Variants in LAMC3 observed in about 807,000 individuals in gnomAD.
LAMC3 encodes laminin subunit gamma 3.
A neutral mutation model predicts 173.8 loss-of-function variants in LAMC3; 128 were observed. The ratio of observed to expected loss-of-function variants is 0.74; its 90% confidence interval spans 0.64 to 0.85. The LOEUF (loss-of-function observed/expected upper bound fraction) is 0.85. LAMC3 is among the 40% of genes least tolerant of loss of function. The pLI, the probability that LAMC3 is intolerant of heterozygous loss-of-function variation, is 0.00. For synonymous variants in LAMC3, 897 were observed against 909.1 expected, an observed-to-expected ratio of 0.99 and a Z score of 0.24; for missense variants, 2,022 against 2,156.0, an observed-to-expected ratio of 0.94 and a Z score of 1.23.
chr9:131,079,087 G>A (rs565606945), intron 22 of LAMC3, 62 bp from the exon 23 acceptor site: 1 of 1,586,330 alleles, frequency 6.3e-7, no homozygotes, highest in African/African-American at 1.3e-5. Context: ...CTCCCCCAAG[G>A]AGAGGATCCG....
At chr9:131,024,766 G>A (rs1198755735) in intron 1 of LAMC3, among the ~76,000 whole-genome samples, 2 of 152,170 alleles carry the variant, frequency 1.3e-5, no homozygotes, top group Non-Finnish European at 2.9e-5. Flanking sequence ...CTAGGCACTG[G>A]GATGGCAGAG....
At position 131,029,586 on chromosome 9, in the gene LAMC3, C is replaced by A. The variant is rs577497058; in HGVS notation, c.679-2459C>A. 2.6e-5 allele frequency among the ~76,000 whole-genome samples: 4 copies of A among 152,352 alleles called. No individual in the cohort carries two copies. Among genetic ancestry groups the A allele is most frequent in the African/African-American group, 9.6e-5 (4 of 41,584 alleles). ...AGCAGGACAAAGAGAGGCAAGTCTA[C>A]CTTGCTCTTTTCTCCTCATGCTCCC... On this transcript the variant is annotated intron_variant, in intron 2 of 27. Coordinates refer to ENST00000361069, the MANE Select transcript of LAMC3 (RefSeq NM_006059.4). This position sits in a 1 kb window ranked among gnomAD's most constrained non-coding sequence, Gnocchi z 4.6.
chr9:131,035,282 TCA>T (rs1833921375), intron 3 of LAMC3, among the ~76,000 whole-genome samples: 2 of 152,092 alleles, frequency 1.3e-5, no homozygotes, highest in African/African-American at 2.4e-5. Flanking sequence ...TTTAATTGGC[TCA>T]CAGTTCCACA....
rs572147844 is a variant in LAMC3 at position 131,085,177 on chromosome 9, C to T, written c.4031-347C>T. On this transcript the variant is annotated intron_variant, in intron 24 of 27. Coordinates refer to ENST00000361069, the MANE Select transcript of LAMC3 (RefSeq NM_006059.4). ...ACACTGCCTTAAAGCATTGTTTAGACGTAGGCAGTACATGAAAATGCCGAG... is the reference window on the plus strand; with the variant it reads ...ACACTGCCTTAAAGCATTGTTTAGATGTAGGCAGTACATGAAAATGCCGAG... Among the ~76,000 whole-genome samples the T allele has an allele frequency of 1.4e-4, 21 of 152,228 alleles. 1 individual carries two copies. The South Asian group carries it at 2.7e-3, about 20-fold the overall frequency.
rs1834310206 is a variant in LAMC3, at chr9:131,052,521, A to G, written c.1661A>G (p.Tyr554Cys). The change falls in exon 10 of 28, where the codon TAT (tyrosine) becomes TGT (cysteine). Residue 554 changes from tyrosine (Y) to cysteine (C), a missense_variant. Physicochemically the swap from Tyr to Cys is radical, Grantham distance 194. Coordinates refer to ENST00000361069, the MANE Select transcript of LAMC3 (RefSeq NM_006059.4). ...EKFLGDQRFS[Y>C]GQPLILTFRV... ...TTCCTGGGAGACCAGCGGTTCAGCT[A>G]TGGGCAGCCCCTCATACTGACCTTC... 6.2e-7 allele frequency: 1 copy of G among 1,614,176 alleles called. No individual in the cohort carries two copies. The highest frequency in any genetic ancestry group is 8.5e-7 in the Non-Finnish European group (1 of 1,179,998).
chr9:131,014,549 C>T (rs1833485360), intron 1 of LAMC3, among the ~76,000 whole-genome samples: 1 of 152,252 alleles, frequency 6.6e-6, no homozygotes, highest in Non-Finnish European at 1.5e-5. Context: ...TGTTTACGTC[C>T]ATCCCTATCT....
chr9:131,045,114 C>T (rs374291623), intron 7 of LAMC3, among the ~76,000 whole-genome samples: 61 of 150,532 alleles, frequency 4.1e-4, no homozygotes, highest in Middle Eastern at 3.4e-3. Context: ...CCCAGCTACC[C>T]GGGAGGCTGA....
rs1385550204 is a variant in LAMC3 at position 131,092,750 on chromosome 9, G to C, written c.*963G>C. 6.6e-6 allele frequency: 1 copy of C among 152,334 alleles called. No individual in the cohort carries two copies. Among genetic ancestry groups the C allele is most frequent in the Non-Finnish European group, 1.5e-5 (1 of 68,134 alleles). The allele number at this position is 152,334 out of a possible 1,614,324, so 9.4% of individuals were successfully genotyped here. ...TTGACGCTTTCCAGACCAGCCCTGC[G>C]GCACCACTTGCCATGCGGGAGGCCA... On this transcript the variant is annotated 3_prime_UTR_variant, in exon 28 of 28. Transcript: ENST00000361069.
Position 131,077,208 on chromosome 9 carries a change from C to T in LAMC3, c.3651C>T (p.Ala1217=). Reference sequence around the variant, plus strand: ...CCAGGTACCAGGAGGTCCAGGCGGCCCAGAAAGCACTGAGGACGGCTGTGG... The same window carrying T: ...CCAGGTACCAGGAGGTCCAGGCGGCTCAGAAAGCACTGAGGACGGCTGTGG... ...LEDRYQEVQA[A]QKALRTAVAE... The change falls in exon 22 of 28, where the codon GCC becomes GCT. Residue 1217 remains alanine (A), a synonymous_variant. Coordinates refer to ENST00000361069, the MANE Select transcript of LAMC3 (RefSeq NM_006059.4). The T allele has an allele frequency of 1.2e-6, 2 of 1,613,806 alleles. No individual in the cohort carries two copies. Among genetic ancestry groups the T allele is most frequent in the Non-Finnish European group, 1.7e-6 (2 of 1,180,012 alleles).
chr9:131,075,187 G>A (rs1443353196), intron 20 of LAMC3, among the ~76,000 whole-genome samples: 1 of 152,168 alleles, frequency 6.6e-6, no homozygotes, highest in Non-Finnish European at 1.5e-5. Flanking sequence ...AGGATCCCTT[G>A]AGCCTAGGAG....
chr9:131,041,001 G>A (rs1311857737), intron 6 of LAMC3, among the ~76,000 whole-genome samples: 1 of 152,154 alleles, frequency 6.6e-6, no homozygotes, highest in Admixed American at 6.6e-5. Flanking sequence ...GAATGAATGG[G>A]TGGATAGGTG....
rs368673815 is a variant in LAMC3, at chr9:131,079,211, A to C, written c.3840A>C (p.Ala1280=). 3 of 1,614,160 alleles carry C rather than the reference A, an allele frequency of 1.9e-6. No homozygotes were observed. Among genetic ancestry groups the C allele is most frequent in the Non-Finnish European group, 2.5e-6 (3 of 1,180,004 alleles). ...CGAAGGCCCTGGAGAAGACAGTTGCATCATGGCAGCACATGGCCACTGAGG... is the reference window on the plus strand; with the variant it reads ...CGAAGGCCCTGGAGAAGACAGTTGCCTCATGGCAGCACATGGCCACTGAGG... ...LKAKALEKTV[A]SWQHMATEAA... Residue 1280 remains alanine (A), a synonymous_variant, in exon 23 of 28, where the codon GCA becomes GCC. Coordinates refer to ENST00000361069, the MANE Select transcript of LAMC3 (RefSeq NM_006059.4).
intron 8 of LAMC3, among the ~76,000 whole-genome samples, chr9:131,048,169 G>A (rs1042105751): frequency 6.9e-6 from 1 of 145,296 alleles, no homozygotes; most frequent in African/African-American, 2.6e-5. Flanking sequence ...CGATTCTCCT[G>A]CCTCAGCCTC....
At position 131,091,602 on chromosome 9, in the gene LAMC3, C is replaced by G. The variant is rs1313488774; in HGVS notation, c.4543C>G (p.Leu1515Val). 1.3e-6 allele frequency: 2 copies of G among 1,593,806 alleles called. No individual in the cohort carries two copies. The highest frequency in any genetic ancestry group is 3.5e-5 in the Admixed American group (2 of 56,470). The part of the protein sequence containing the change: ...LNETQWALER[L>V]RLQLGSPGSL... Reference sequence around the variant, plus strand: ...CGAGACTCAGTGGGCACTAGAACGCCTGAGGCTGCAGCTGGGCTCCCCGGG... The same window carrying G: ...CGAGACTCAGTGGGCACTAGAACGCGTGAGGCTGCAGCTGGGCTCCCCGGG... The change falls in exon 28 of 28, where the codon CTG (leucine) becomes GTG (valine). Residue 1515 changes from leucine (L) to valine (V), a missense_variant. By Grantham distance (32) the Leu-to-Val change is conservative. Coordinates refer to ENST00000361069, the MANE Select transcript of LAMC3 (RefSeq NM_006059.4).
At chr9:131,058,149 C>T (rs1248649326) in intron 12 of LAMC3, among the ~76,000 whole-genome samples, 1 of 152,014 alleles carries the variant, frequency 6.6e-6, no homozygotes, top group African/African-American at 2.4e-5. Flanking sequence ...GACAGAGTCT[C>T]GCTCTGTTGC....
In LAMC3 at chr9:131,032,107, C is replaced by T. The variant is rs769533798; in HGVS notation, c.741C>T (p.Asp247=). 2.5e-6 allele frequency: 4 copies of T among 1,614,000 alleles called. No homozygotes were observed. The highest frequency in any genetic ancestry group is 1.3e-5 in the African/African-American group (1 of 74,890). ...SLDRLNTFGD[D]IFKDPKVLQS... ...ACCGGCTCAACACGTTTGGGGACGACATCTTCAAGGACCCCAAGGTGCTCC... is the reference window on the plus strand; with the variant it reads ...ACCGGCTCAACACGTTTGGGGACGATATCTTCAAGGACCCCAAGGTGCTCC... Residue 247 remains aspartate, a synonymous_variant, in exon 3 of 28, where the codon GAC becomes GAT. Transcript: ENST00000361069.
chr9:131,066,029 CTAA>C (rs1173890941), intron 13 of LAMC3, among the ~76,000 whole-genome samples: 2 of 152,110 alleles, frequency 1.3e-5, no homozygotes, highest in South Asian at 2.1e-4. Context: ...CCCATCTCTA[CTAA>C]TAATACAAAT....
intron 1 of LAMC3, among the ~76,000 whole-genome samples, chr9:131,011,967 T>A (rs1332743285): frequency 6.6e-6 from 1 of 151,982 alleles, no homozygotes; most frequent in African/African-American, 2.4e-5. Context: ...GAACTCTGCC[T>A]AGAACCTTAG....
rs1483662868 is a variant in LAMC3, at chr9:131,077,447, C to T, written c.3777+113C>T. ...ATCGCAGCACTTTGGGAGGCCGAGGCGGGTGGATCACCTGAGGTCAGGAGT... is the reference window on the plus strand; with the variant it reads ...ATCGCAGCACTTTGGGAGGCCGAGGTGGGTGGATCACCTGAGGTCAGGAGT... On this transcript the variant is annotated intron_variant, in intron 22 of 27. Transcript: ENST00000361069. The T allele has an allele frequency of 3.0e-5, 41 of 1,356,012 alleles. No homozygotes were observed. The South Asian group carries it at 3.4e-4, about 11-fold the overall frequency. The allele number at this position is 1,356,012 out of a possible 1,614,324, so 84.0% of individuals were successfully genotyped here.
Sources: allele counts gnomAD v4.1 joint callset (sites outside exome capture counted in the v4.1 genomes callset), GRCh38; gene constraint gnomAD v4.1.1; non-coding constraint Gnocchi (gnomAD v3.1); transcripts MANE v1.5; gene names NCBI Gene and HGNC (gene_info 2026-07-23, HGNC 2026-07-21).